DLC1: variants seen among roughly 807,000 people sequenced by gnomAD.
The protein encoded by DLC1 is rho GTPase-activating protein 7.
Under a neutral mutation model 140.3 loss-of-function variants are expected in DLC1, and 54 were observed. The ratio of observed to expected loss-of-function variants is 0.38; its 90% CI spans 0.31 to 0.48. The LOEUF (loss-of-function observed/expected upper bound fraction) is 0.48. Ranked by LOEUF, DLC1 falls within the 20% of genes least tolerant of loss-of-function variation. The probability of loss-of-function intolerance (pLI) is 0.96; values close to 1 mark genes in which losing one functional copy is unlikely to be tolerated. For synonymous variants in DLC1, 986 were observed against 728.1 expected, an observed-to-expected ratio of 1.35 and a Z score of -5.70; for missense variants, 2,536 against 1,907.0, an observed-to-expected ratio of 1.33 and a Z score of -6.14.
At chr8:13,603,364 A>C (rs1042785927) in intron 1 of DLC1, among the ~76,000 whole-genome samples, 2 of 151,868 alleles carry the variant, frequency 1.3e-5, no homozygotes, top group Non-Finnish European at 2.9e-5. Flanking sequence ...ATATAGACAG[A>C]GTTTGATTAA....
intron 2 of DLC1, among the ~76,000 whole-genome samples, chr8:13,491,416 G>A (rs1801233892): frequency 6.6e-6 from 1 of 152,024 alleles, no homozygotes; most frequent in Non-Finnish European, 1.5e-5. Flanking sequence ...GCAAGCATGT[G>A]TATGTTACTT....
intron 5 of DLC1, among the ~76,000 whole-genome samples, chr8:13,127,211 A>G (rs895956781): frequency 1.3e-5 from 2 of 152,246 alleles, no homozygotes; most frequent in African/African-American, 4.8e-5. Flanking sequence ...GAATGAACAG[A>G]AATTAATCTA....
intron 1 of DLC1, among the ~76,000 whole-genome samples, chr8:13,513,027 C>G (rs1206214543): frequency 1.4e-5 from 2 of 146,390 alleles, no homozygotes; most frequent in Non-Finnish European, 3.0e-5. Flanking sequence ...AAGCACCCTT[C>G]TACTGGACAT....
chr8:13,343,226 C>T (rs960321224), intron 4 of DLC1, among the ~76,000 whole-genome samples: 4 of 152,132 alleles, frequency 2.6e-5, no homozygotes, highest in African/African-American at 7.2e-5. Flanking sequence ...CATGAATACC[C>T]GGCTTCCTCC....
At chr8:13,144,850 G>C (rs777427829) in intron 5 of DLC1, among the ~76,000 whole-genome samples, 17 of 152,126 alleles carry the variant, frequency 1.1e-4, no homozygotes, top group Non-Finnish European at 2.2e-4. Context: ...GGAGAACCTT[G>C]ACTAATACAG....
chr8:13,392,979 T>G (rs961840548), intron 4 of DLC1, among the ~76,000 whole-genome samples: 2 of 152,220 alleles, frequency 1.3e-5, no homozygotes, highest in Admixed American at 6.5e-5. Context: ...AAATGTTTGA[T>G]GTGGATGTTT....
intron 4 of DLC1, among the ~76,000 whole-genome samples, chr8:13,385,229 A>G (rs1836464537): frequency 6.6e-6 from 1 of 152,180 alleles, no homozygotes; most frequent in South Asian, 2.1e-4. Context: ...TGATACAAAG[A>G]TAGGACCTTC....
intron 8 of DLC1, among the ~76,000 whole-genome samples, chr8:13,101,564 G>C (rs1267513182): frequency 6.6e-6 from 1 of 152,114 alleles, no homozygotes; most frequent in Non-Finnish European, 1.5e-5. Flanking sequence ...TCTCCCACTG[G>C]AGTAAAGGGG....
chr8:13,479,071 C>A (rs1032838391), intron 2 of DLC1, among the ~76,000 whole-genome samples: 1 of 152,132 alleles, frequency 6.6e-6, no homozygotes, highest in Non-Finnish European at 1.5e-5. Context: ...TAGTTCATTC[C>A]ACCCCTTAGT....
intron 3 of DLC1, among the ~76,000 whole-genome samples, chr8:13,394,075 C>T (rs1437734041): frequency 6.6e-6 from 1 of 152,220 alleles, no homozygotes; most frequent in Non-Finnish European, 1.5e-5. Flanking sequence ...CTATACAGCG[C>T]TGCCCAGAGT....
At chr8:13,195,507 T>G (rs1826994632) in intron 5 of DLC1, among the ~76,000 whole-genome samples, 1 of 152,218 alleles carries the variant, frequency 6.6e-6, no homozygotes, top group Non-Finnish European at 1.5e-5. Flanking sequence ...GTATAGTTGA[T>G]GGAAATGAGG....
chr8:13,463,764 C>G (rs893322649), intron 2 of DLC1, among the ~76,000 whole-genome samples: 1 of 152,106 alleles, frequency 6.6e-6, no homozygotes, highest in East Asian at 1.9e-4. Context: ...ATTCCCAGGA[C>G]CTATGTCTTT....
chr8:13,151,218 T>C (rs1183434896), intron 5 of DLC1, among the ~76,000 whole-genome samples: 1 of 152,212 alleles, frequency 6.6e-6, no homozygotes, highest in Admixed American at 6.5e-5. Flanking sequence ...TTTACAGATG[T>C]CAGTCTTCCT....
rs553534893 is a variant in DLC1, at chr8:13,272,531, T to C, written c.1348+32738A>G. 1.2e-4 allele frequency among the ~76,000 whole-genome samples: 18 copies of C among 152,114 alleles called. 1 individual carries two copies. In the South Asian group the frequency reaches 3.7e-3, roughly 32 times the overall value. On this transcript the variant is annotated intron_variant, in intron 5 of 17. Transcript: ENST00000276297. Reference sequence around the variant, plus strand: ...GCACAACTTAACGTTTTTAGTTGAGTTAAATTACAACAGTGTGCACACAAT... The same window carrying C: ...GCACAACTTAACGTTTTTAGTTGAGCTAAATTACAACAGTGTGCACACAAT...
intron 4 of DLC1, among the ~76,000 whole-genome samples, chr8:13,366,771 C>T (rs1225876012): frequency 6.6e-6 from 1 of 152,134 alleles, no homozygotes. Context: ...AAGATCTTTC[C>T]AGACCAAGGT....
intron 2 of DLC1, among the ~76,000 whole-genome samples, chr8:13,451,061 A>AAAAAAAAAAAAAAAAAG (rs1563357501): frequency 6.5e-5 from 9 of 138,462 alleles, no homozygotes; most frequent in Non-Finnish European, 1.1e-4. Context: ...AAAAAAAAAA[A>AAAAAAAAAAAAAAAAAG]AAAAAAAGAA....
intron 4 of DLC1, among the ~76,000 whole-genome samples, chr8:13,319,938 T>C (rs1470813894): frequency 6.7e-6 from 1 of 149,990 alleles, no homozygotes. Context: ...ATGTCCTGTC[T>C]CAGCCTCCCA....
At chr8:13,359,113 G>A (rs890719151) in intron 4 of DLC1, among the ~76,000 whole-genome samples, 2 of 151,996 alleles carry the variant, frequency 1.3e-5, no homozygotes, top group Admixed American at 6.6e-5. Context: ...TAATTTTTTC[G>A]TATTTTTAGT....
chr8:13,160,520 A>C (rs978299778), intron 5 of DLC1, among the ~76,000 whole-genome samples: 7 of 152,140 alleles, frequency 4.6e-5, no homozygotes, highest in Admixed American at 4.6e-4. Flanking sequence ...GGGCATTCCC[A>C]TCTCTGCTTT....
Sources: gnomAD v4.1 joint callset for allele counts (sites outside exome capture counted in the v4.1 genomes callset) on GRCh38, gnomAD v4.1.1 for gene constraint, MANE v1.5 for transcripts, NCBI Gene and HGNC (gene_info 2026-07-23, HGNC 2026-07-21) for gene names.